Variants in ABCC9 observed in about 807,000 individuals in gnomAD.
ABCC9 encodes the protein ATP binding cassette subfamily C member 9.
A neutral mutation model predicts 188.3 loss-of-function variants in ABCC9; 95 were observed. The ratio of observed to expected loss-of-function variants is 0.50; its 90% CI spans 0.43 to 0.60. The LOEUF is 0.60. ABCC9 is among the 20% of genes least tolerant of loss of function. ABCC9 has a pLI of 0.00. For missense variants in ABCC9, 1,102 were observed against 1,876.3 expected (o/e 0.59, Z 7.62); for synonymous variants, 659 against 652.7 (o/e 1.01, Z -0.15).
At chr12:21,833,578 C>T (rs928103710) in intron 30 of ABCC9, among the ~76,000 whole-genome samples, 7 of 152,128 alleles carry the variant, frequency 4.6e-5, no homozygotes, top group African/African-American at 1.7e-4. Flanking sequence ...ATTCCCTTCA[C>T]GATGCTCTGC....
At chr12:21,883,061 T>C (rs1232578452) in intron 15 of ABCC9, among the ~76,000 whole-genome samples, 188 bp from the exon 16 acceptor site, 3 of 152,188 alleles carry the variant, frequency 2.0e-5, no homozygotes, top group African/African-American at 7.2e-5. Context: ...CTCATTCACA[T>C]GCCTCTTGAG....
At chr12:21,840,753 C>A (rs549977944) in intron 29 of ABCC9, among the ~76,000 whole-genome samples, 1 of 152,242 alleles carries the variant, frequency 6.6e-6, no homozygotes, top group African/African-American at 2.4e-5. Context: ...CAAGCAAAGA[C>A]GATGAGTCTA....
chr12:21,825,339 C>G (rs1294973300), intron 31 of ABCC9, among the ~76,000 whole-genome samples: 1 of 152,174 alleles, frequency 6.6e-6, no homozygotes, highest in Non-Finnish European at 1.5e-5. Flanking sequence ...ACGATACATG[C>G]ACATATATGT....
intron 18 of ABCC9, among the ~76,000 whole-genome samples, chr12:21,868,260 C>T (rs181958327): frequency 2.1e-4 from 32 of 152,308 alleles, no homozygotes; most frequent in South Asian, 2.1e-4. Context: ...GCCTTTTCTC[C>T]GGCCCAAAGT....
Position 21,807,356 on chromosome 12 carries a change from T to G in ABCC9, c.4439A>C (p.Asp1480Ala). The G allele has an allele frequency of 6.2e-7, 1 of 1,613,942 alleles. No individual in the cohort carries two copies. Among genetic ancestry groups the G allele is most frequent in the Non-Finnish European group, 8.5e-7 (1 of 1,179,806 alleles). ...LIMDEATASI[D>A]MATENILQKV... ...AGATAATGCACTCACTGTGGCCATG[T>G]CAATGGAAGCTGTTGCCTCATCCAT... The change falls in exon 38 of 40, where the codon GAC becomes GCC. Residue 1480 changes from aspartate to alanine, a missense_variant. This residue lies in a region of ABCC9 where 40 missense variants were observed against 105.5 expected (regional missense o/e 0.38). Transcript: ENST00000261200.
chr12:21,852,238 A>T lies in ABCC9; in HGVS notation c.2644-16T>A. 1 of 1,613,834 alleles carries T rather than the reference A, an allele frequency of 6.2e-7. No individual in the cohort carries two copies. The highest frequency in any genetic ancestry group is 1.1e-5 in the South Asian group (1 of 91,076). On this transcript the variant is annotated splice_polypyrimidine_tract_variant and intron_variant, in intron 23 of 39. Transcript: ENST00000261200. The stretch of plus-strand genomic sequence containing the variant: ...TGGCTATGATCTAAGGAAAGCGGAT[A>T]TTCCCAGAAATGTGACGAAAAGCCT...
intron 37 of ABCC9, 95 bp from the exon 38 acceptor site, chr12:21,807,574 G>A: frequency 6.6e-7 from 1 of 1,513,716 alleles, no homozygotes; most frequent in Non-Finnish European, 9.1e-7. Flanking sequence ...TTGTATGACA[G>A]CATGATGGAT....
At chr12:21,902,671 G>T (rs551550774) in intron 12 of ABCC9, among the ~76,000 whole-genome samples, 2 of 152,288 alleles carry the variant, frequency 1.3e-5, no homozygotes, top group South Asian at 2.1e-4. Flanking sequence ...ACACCTCTAT[G>T]CAAATAAACA....
rs1209805976 is a variant in ABCC9, at chr12:21,809,937, C to T, written c.4230G>A (p.Glu1410=). ...AGAGTCTGTCATCTGTGCATTTGCACTCTGGATCTAAATTAAATCTGTAGG... is the reference window on the plus strand; with the variant it reads ...AGAGTCTGTCATCTGTGCATTTGCATTCTGGATCTAAATTAAATCTGTAGG... ...SGSIRFNLDP[E]CKCTDDRLWE... is the part of the protein sequence containing the mutation. Residue 1410 remains glutamate, a synonymous_variant, in exon 37 of 40, where the codon GAG becomes GAA. Coordinates refer to ENST00000261200, the MANE Select transcript of ABCC9 (RefSeq NM_020297.4). 1 of 1,610,764 alleles carries T rather than the reference C, an allele frequency of 6.2e-7. No individual in the cohort carries two copies.
intron 5 of ABCC9, 60 bp from the exon 6 acceptor site, chr12:21,917,163 T>G (rs1948630955): frequency 6.6e-7 from 1 of 1,523,744 alleles, no homozygotes; most frequent in Admixed American, 1.7e-5. Flanking sequence ...CACTAGCATT[T>G]GAATGTAATT....
chr12:21,823,836 C>G (rs925346400), intron 31 of ABCC9, among the ~76,000 whole-genome samples: 2 of 152,260 alleles, frequency 1.3e-5, no homozygotes, highest in African/African-American at 2.4e-5. Flanking sequence ...TCACTTGGCA[C>G]CCAGAGGAAA....
chr12:21,895,009 C>T (rs1313047812), intron 13 of ABCC9, among the ~76,000 whole-genome samples: 1 of 152,144 alleles, frequency 6.6e-6, no homozygotes, highest in Admixed American at 6.5e-5. Flanking sequence ...ACTGAGGTTG[C>T]TACTGGCACC....
At chr12:21,900,562 A>T (rs977832340) in intron 12 of ABCC9, among the ~76,000 whole-genome samples, 1 of 152,220 alleles carries the variant, frequency 6.6e-6, no homozygotes, top group African/African-American at 2.4e-5. Flanking sequence ...AAAACCTTGA[A>T]AAAAGATTAG....
chr12:21,897,553 ATAT>A (rs527520872), intron 12 of ABCC9, among the ~76,000 whole-genome samples: 57 of 152,300 alleles, frequency 3.7e-4, no homozygotes, highest in African/African-American at 1.3e-3. Context: ...TACATGGTAG[ATAT>A]TATTAATAGC....
chr12:21,923,077 C>A (rs887619368), intron 5 of ABCC9: 4 of 92,260 alleles, frequency 4.3e-5, no homozygotes, highest in African/African-American at 4.5e-5. Context: ...CATTGATATC[C>A]ACTTGGAAAA....
intron 31 of ABCC9, among the ~76,000 whole-genome samples, chr12:21,826,467 T>C (rs946409490): frequency 6.6e-6 from 1 of 152,216 alleles, no homozygotes; most frequent in Non-Finnish European, 1.5e-5. Flanking sequence ...CATTTATATG[T>C]GCACAATTGA....
In ABCC9 at chr12:21,907,983, A is replaced by G. The variant is rs1268857982; in HGVS notation, c.1455+94T>C. 2.9e-6 allele frequency: 4 copies of G among 1,357,198 alleles called. No individual in the cohort carries two copies. In the African/African-American group the frequency reaches 4.4e-5, roughly 15 times the overall value. 84.1% of individuals were successfully genotyped at this position (1,357,198 alleles called of 1,614,324 possible). On this transcript the variant is annotated intron_variant, in intron 11 of 39. Transcript: ENST00000261200. Reference sequence around the variant, plus strand: ...TGAAGTGAAATAGAATTGTTTCCAAATTATCTTTAGTGGTATGTATTAATT... The same window carrying G: ...TGAAGTGAAATAGAATTGTTTCCAAGTTATCTTTAGTGGTATGTATTAATT...
At position 21,882,803 on chromosome 12, in the gene ABCC9, C is replaced by T. The variant is rs397517185; in HGVS notation, c.1982G>A (p.Arg661His). The change falls in exon 16 of 40, where the codon CGT becomes CAT. Residue 661 changes from arginine (R) to histidine (H), a missense_variant. By Grantham distance (29) the Arg-to-His change is conservative (BLOSUM62 0). Transcript: ENST00000261200. ...GTCCTCTGTTTCTGCGGGACGTAGA[C>T]GCCGTGTTGATTGCTCATAGCTGTC... ...HLDSYEQSTR[R>H]LRPAETEDIA... The T allele has an allele frequency of 1.1e-5, 18 of 1,613,926 alleles. No individual in the cohort carries two copies. The highest frequency in any genetic ancestry group is 1.7e-5 in the Admixed American group (1 of 60,010).
At chr12:21,812,721 G>C (rs1942331383) in intron 35 of ABCC9, among the ~76,000 whole-genome samples, 1 of 152,024 alleles carries the variant, frequency 6.6e-6, no homozygotes, top group Non-Finnish European at 1.5e-5. Flanking sequence ...TTAGGGGAGG[G>C]ATAGCATTAG....
Sources: allele counts gnomAD v4.1 joint callset (sites outside exome capture counted in the v4.1 genomes callset), GRCh38; gene constraint gnomAD v4.1.1; regional missense constraint gnomAD v4.1.1; transcripts MANE v1.5; gene names NCBI Gene and HGNC (gene_info 2026-07-23, HGNC 2026-07-21).